MYLK: variants seen among roughly 807,000 people sequenced by gnomAD.
MYLK encodes myosin light chain kinase, smooth muscle.
MYLK carries 106 observed loss-of-function variants against 203.4 expected under a neutral mutation model. The ratio of observed to expected loss-of-function variants is 0.52; its 90% CI spans 0.45 to 0.61. The LOEUF is 0.61. MYLK is among the 20% of genes least tolerant of loss of function. MYLK has a pLI of 0.00. For synonymous variants in MYLK, 867 were observed against 959.5 expected (o/e 0.90, Z 1.78); for missense variants, 2,072 against 2,442.3 (o/e 0.85, Z 3.20).
intron 29 of MYLK, among the ~76,000 whole-genome samples, chr3:123,634,832 C>T (rs1268926077): frequency 2.6e-5 from 4 of 152,208 alleles, no homozygotes; most frequent in Non-Finnish European, 5.9e-5. Context: ...TAGGATTTCT[C>T]CCGTATGGAA....
At chr3:123,735,584 A>G in intron 8 of MYLK, 168 bp from the exon 9 acceptor site, 1 of 710,776 alleles carries the variant, frequency 1.4e-6, no homozygotes, top group Non-Finnish European at 2.5e-6. Context: ...CCTAGAGTAC[A>G]TTGTCAAAGC....
intron 11 of MYLK, 124 bp downstream of exon 11, chr3:123,732,772 C>T: frequency 1.1e-6 from 1 of 928,966 alleles, no homozygotes; most frequent in Non-Finnish European, 1.7e-6. Context: ...TTGGGGGTGA[C>T]ATTTCTGTCG....
At chr3:123,761,404 A>T (rs2063529484) in intron 4 of MYLK, among the ~76,000 whole-genome samples, 1 of 152,180 alleles carries the variant, frequency 6.6e-6, no homozygotes, top group African/African-American at 2.4e-5. Context: ...CAAAGCATGC[A>T]TTCTGCTCAC....
At chr3:123,627,223 T>C (rs1295242091) in intron 30 of MYLK, among the ~76,000 whole-genome samples, 1 of 152,024 alleles carries the variant, frequency 6.6e-6, no homozygotes, top group Non-Finnish European at 1.5e-5. Flanking sequence ...CGAGGAAGAG[T>C]AAGTGCTGCA....
chr3:123,827,750 A>ATAT (rs1560269132), intron 3 of MYLK, among the ~76,000 whole-genome samples: 4 of 90,820 alleles, frequency 4.4e-5, no homozygotes, highest in South Asian at 4.0e-4. Context: ...TATATATATA[A>ATAT]AGACTCTACC....
At chr3:123,829,246 G>A (rs1020769733) in intron 3 of MYLK, among the ~76,000 whole-genome samples, 1 of 152,084 alleles carries the variant, frequency 6.6e-6, no homozygotes, top group African/African-American at 2.4e-5. Context: ...ATACACAATG[G>A]AATACTATTC....
At chr3:123,724,560 A>G (rs1291427496) in intron 12 of MYLK, among the ~76,000 whole-genome samples, 2 of 152,104 alleles carry the variant, frequency 1.3e-5, no homozygotes, top group Non-Finnish European at 2.9e-5. Context: ...ACCCAAGAAC[A>G]CTACATGTAG....
chr3:123,882,322 G>A (rs1428273056), intron 1 of MYLK, among the ~76,000 whole-genome samples: 3 of 152,208 alleles, frequency 2.0e-5, no homozygotes, highest in Non-Finnish European at 2.9e-5. Flanking sequence ...GGCTGAGGTG[G>A]AGGATTCCTT....
At position 123,677,918 on chromosome 3, in the gene MYLK, T is replaced by TATATATATATATATATAC. The variant is rs1273803739; in HGVS notation, c.3652+4305_3652+4306insGTATATATATATATATAT. Reference sequence around the variant, plus strand: ...ATATATATATATATATATATATATATACACACACACACACACAGAGTACAT... The same window carrying TATATATATATATATATAC: ...ATATATATATATATATATATATATATATATATATATATATATACACACACACACACACACAGAGTACAT... On this transcript the variant is annotated intron_variant, in intron 20 of 33. Coordinates refer to ENST00000360304, the MANE Select transcript of MYLK (RefSeq NM_053025.4). Among the ~76,000 whole-genome samples, 264 of 78,658 alleles carry TATATATATATATATATAC rather than the reference T, an allele frequency of 3.4e-3. 2 individuals are homozygous for TATATATATATATATATAC. Among genetic ancestry groups the TATATATATATATATATAC allele is most frequent in the East Asian group, 5.2e-3 (3 of 582 alleles). The allele number at this position is 78,658 out of a possible 152,430, so 51.6% of individuals were successfully genotyped here. A position where few individuals can be genotyped will look rare whatever the true frequency, so the allele number is the denominator to read the frequency against.
intron 30 of MYLK, among the ~76,000 whole-genome samples, chr3:123,627,833 A>G (rs1437753074): frequency 6.6e-6 from 1 of 152,188 alleles, no homozygotes; most frequent in Non-Finnish European, 1.5e-5. Flanking sequence ...GTCTTGATCT[A>G]TTTGAATAAG....
Position 123,752,418 on chromosome 3 carries a change from C to G in MYLK, c.286G>C (p.Val96Leu), listed in dbSNP as rs1162837317. ...TACTTTCCCCTGTCCTCCTCATGGA[C>G]AGCATGAATCACAAGGCTGAAAGTC... Reference protein sequence around the residue: ...RGTFSLVIHAVHEEDRGKYTC... With the variant: ...RGTFSLVIHALHEEDRGKYTC... Residue 96 changes from valine (V) to leucine (L), a missense_variant, in exon 5 of 34, where the codon GTC becomes CTC. Physicochemically the swap from Val to Leu is conservative, Grantham distance 32. This residue lies in a region of MYLK where 683 missense variants were observed against 643.8 expected (regional missense o/e 1.06). Coordinates refer to ENST00000360304, the MANE Select transcript of MYLK (RefSeq NM_053025.4). The G allele has an allele frequency of 6.2e-7, 1 of 1,614,086 alleles. No individual in the cohort carries two copies. The highest frequency in any genetic ancestry group is 1.3e-5 in the African/African-American group (1 of 74,938).
At chr3:123,839,582 G>A (rs1179378656) in intron 2 of MYLK, among the ~76,000 whole-genome samples, 1 of 152,138 alleles carries the variant, frequency 6.6e-6, no homozygotes, top group Non-Finnish European at 1.5e-5. Context: ...AGGCCTGAAA[G>A]GAGAACTAGG....
intron 29 of MYLK, among the ~76,000 whole-genome samples, chr3:123,631,853 G>C (rs2058438187): frequency 6.6e-6 from 1 of 150,892 alleles, no homozygotes; most frequent in African/African-American, 2.5e-5. Flanking sequence ...CCCCTCTCTG[G>C]GCCTCAGTTT....
intron 18 of MYLK, among the ~76,000 whole-genome samples, chr3:123,695,418 A>C (rs1449044011): frequency 1.3e-5 from 2 of 152,242 alleles, no homozygotes; most frequent in African/African-American, 2.4e-5. Context: ...CCTGGAATGC[A>C]GTCACAGTAA....
intron 3 of MYLK, among the ~76,000 whole-genome samples, chr3:123,812,097 C>G (rs916358140): frequency 9.2e-5 from 14 of 152,148 alleles, no homozygotes; most frequent in African/African-American, 3.4e-4. Context: ...TGGGACTTCT[C>G]AGAGTCAGCG....
At chr3:123,709,917 G>A (rs1470534476) in intron 13 of MYLK, 24 bp from the exon 14 acceptor site, 2 of 1,613,296 alleles carry the variant, frequency 1.2e-6, no homozygotes, top group African/African-American at 2.7e-5. Context: ...AACAGAACGT[G>A]GGGTGAACAT....
At chr3:123,758,477 T>C (rs538416514) in intron 4 of MYLK, among the ~76,000 whole-genome samples, 53 of 152,304 alleles carry the variant, frequency 3.5e-4, no homozygotes, top group African/African-American at 1.2e-3. Context: ...GCAAATGCCA[T>C]GTGGGTCTCC....
In MYLK at chr3:123,648,632, C is replaced by T. The variant is rs1329265322; in HGVS notation, c.4415+339G>A. ...CTCTTCTCCCTAATGTTCTGCTCCC[C>T]GCACCCCCTGCTCTCCCCTGACAGG... is the stretch of plus-strand genomic sequence containing the variant. On this transcript the variant is annotated intron_variant, in intron 26 of 33. Coordinates refer to ENST00000360304, the MANE Select transcript of MYLK (RefSeq NM_053025.4). This position sits in a 1 kb window ranked among gnomAD's most constrained non-coding sequence, Gnocchi z 4.5. 2.0e-5 allele frequency among the ~76,000 whole-genome samples: 3 copies of T among 152,106 alleles called. No individual in the cohort carries two copies. Among genetic ancestry groups the T allele is most frequent in the African/African-American group, 7.2e-5 (3 of 41,412 alleles).
intron 13 of MYLK, chr3:123,716,007 AT>A (rs948419187): frequency 1.4e-4 from 21 of 152,212 alleles, no homozygotes; most frequent in African/African-American, 4.8e-4. Flanking sequence ...ACAATGCAAA[AT>A]GCCATTCCAA....
Sources: allele counts gnomAD v4.1 joint callset (sites outside exome capture counted in the v4.1 genomes callset), GRCh38; gene constraint gnomAD v4.1.1; regional missense constraint gnomAD v4.1.1; non-coding constraint Gnocchi (gnomAD v3.1); transcripts MANE v1.5; gene names NCBI Gene and HGNC (gene_info 2026-07-23, HGNC 2026-07-21).